PLCB1: variants seen among roughly 807,000 people sequenced by gnomAD.
PLCB1 encodes the protein 1-phosphatidylinositol 4,5-bisphosphate phosphodiesterase beta-1.
Under a neutral mutation model 161.8 loss-of-function variants are expected in PLCB1, and 46 were observed. The ratio of observed to expected loss-of-function variants is 0.28; its 90% CI spans 0.22 to 0.36. The LOEUF is 0.36. Among genes scored for constraint, PLCB1 ranks in the 10% least tolerant of loss-of-function variants. The probability of loss-of-function intolerance (pLI) is 1.00; values close to 1 mark genes in which losing one functional copy is unlikely to be tolerated. For synonymous variants in PLCB1, 517 were observed against 503.7 expected, an observed-to-expected ratio of 1.03 and a Z score of -0.35; for missense variants, 1,016 against 1,472.5, an observed-to-expected ratio of 0.69 and a Z score of 5.07.
intron 2 of PLCB1, among the ~76,000 whole-genome samples, chr20:8,311,238 A>C (rs1021402887): frequency 3.9e-5 from 6 of 152,218 alleles, no homozygotes; most frequent in Admixed American, 3.9e-4. Flanking sequence ...AATGTTCTTC[A>C]TTGTAAAATC....
At chr20:8,801,930 G>A (rs1270371287) in intron 31 of PLCB1, 6 of 694,280 alleles carry the variant, frequency 8.6e-6, no homozygotes, top group Admixed American at 4.7e-5. Context: ...GGCAAACAGA[G>A]GAGTTAAAAC....
intron 1 of PLCB1, among the ~76,000 whole-genome samples, chr20:8,136,981 T>C (rs1164246678): frequency 1.3e-5 from 2 of 152,228 alleles, no homozygotes; most frequent in African/African-American, 4.8e-5. Context: ...GCACGTTCTG[T>C]CTTACAAGCA....
At chr20:8,499,044 C>T (rs759470540) in intron 3 of PLCB1, among the ~76,000 whole-genome samples, 55 of 152,194 alleles carry the variant, frequency 3.6e-4, no homozygotes, top group Non-Finnish European at 6.3e-4. Context: ...GTTGAAAACC[C>T]AAGAAAAAAT....
chr20:8,551,198 T>C (rs551269743), intron 3 of PLCB1, among the ~76,000 whole-genome samples: 9 of 152,202 alleles, frequency 5.9e-5, no homozygotes, highest in Admixed American at 1.3e-4. Context: ...AGGTTAGCTA[T>C]AACCAAAAAT....
At position 8,716,101 on chromosome 20, in the gene PLCB1, A is replaced by G. The variant is rs760992326; in HGVS notation, c.1251-163A>G. 18 of 622,006 alleles carry G rather than the reference A, an allele frequency of 2.9e-5. No individual in the cohort carries two copies. Among genetic ancestry groups the G allele is most frequent in the African/African-American group, 2.0e-4 (11 of 54,406 alleles). 38.5% of individuals were successfully genotyped at this position (622,006 alleles called of 1,614,324 possible). On this transcript the variant is annotated intron_variant, in intron 12 of 31. Coordinates refer to ENST00000338037, the MANE Select transcript of PLCB1 (RefSeq NM_015192.4). ...GCTGTCCATCTGTGTATGTTATTCAAATTCACATAAGTTAAGATAAAGATC... is the reference window on the plus strand; with the variant it reads ...GCTGTCCATCTGTGTATGTTATTCAGATTCACATAAGTTAAGATAAAGATC...
chr20:8,315,995 G>C (rs748511371), intron 2 of PLCB1, among the ~76,000 whole-genome samples: 2 of 152,116 alleles, frequency 1.3e-5, no homozygotes, highest in Non-Finnish European at 2.9e-5. Flanking sequence ...GGGGTTGAAC[G>C]CTATTCAGCA....
At chr20:8,283,242 G>GTAAA (rs1278314927) in intron 2 of PLCB1, among the ~76,000 whole-genome samples, 1 of 152,174 alleles carries the variant, frequency 6.6e-6, no homozygotes, top group Non-Finnish European at 1.5e-5. Context: ...CTATGCCCAT[G>GTAAA]TAAAATTGGT....
intron 31 of PLCB1, among the ~76,000 whole-genome samples, chr20:8,800,372 G>A (rs1009646255): frequency 6.6e-5 from 10 of 152,064 alleles, no homozygotes; most frequent in Admixed American, 3.9e-4. Flanking sequence ...CATTAGTTGA[G>A]GTTAATCTTT....
chr20:8,274,488 T>A (rs1382998192), intron 2 of PLCB1, among the ~76,000 whole-genome samples: 2 of 152,068 alleles, frequency 1.3e-5, no homozygotes, highest in Non-Finnish European at 2.9e-5. Flanking sequence ...GTCGTTTTTT[T>A]TTTACACTGT....
At chr20:8,741,731 G>C (rs533066108) in intron 23 of PLCB1, among the ~76,000 whole-genome samples, 158 bp downstream of exon 23, 161 of 152,206 alleles carry the variant, frequency 1.1e-3, no homozygotes, top group Non-Finnish European at 1.8e-3. Flanking sequence ...ACATCTAGAT[G>C]ATTGACTTAA....
At chr20:8,533,657 GTCT>G (rs1568496726) in intron 3 of PLCB1, among the ~76,000 whole-genome samples, 1 of 150,204 alleles carries the variant, frequency 6.7e-6, no homozygotes, top group Non-Finnish European at 1.5e-5. Context: ...CTGCATAAAT[GTCT>G]TCTTTTGAGA....
At chr20:8,823,619 C>T (rs1240441165) in intron 31 of PLCB1, among the ~76,000 whole-genome samples, 3 of 152,150 alleles carry the variant, frequency 2.0e-5, no homozygotes, top group African/African-American at 7.2e-5. Flanking sequence ...ATTTGACATA[C>T]CTGTGGCCAT....
At chr20:8,582,737 C>G (rs934058764) in intron 3 of PLCB1, among the ~76,000 whole-genome samples, 1 of 152,130 alleles carries the variant, frequency 6.6e-6, no homozygotes, top group Non-Finnish European at 1.5e-5. Flanking sequence ...CCTGTAATCC[C>G]AGAACTTTGG....
intron 31 of PLCB1, among the ~76,000 whole-genome samples, chr20:8,855,410 C>T (rs1186609847): frequency 6.6e-6 from 1 of 152,174 alleles, no homozygotes; most frequent in Non-Finnish European, 1.5e-5. Flanking sequence ...ACCAAGTTCA[C>T]CCAGCTGCAG....
intron 31 of PLCB1, chr20:8,792,577 T>G (rs1983813643): frequency 2.1e-6 from 1 of 471,188 alleles, no homozygotes; most frequent in Non-Finnish European, 4.4e-6. Flanking sequence ...GCGTTTTTTA[T>G]TGTAAATAGG....
In PLCB1 at chr20:8,150,321, T is replaced by A; in HGVS notation, c.127T>A (p.Leu43Met). The change falls in exon 2 of 32, where the codon TTG becomes ATG. Residue 43 changes from leucine (L) to methionine (M), a missense_variant. Physicochemically the swap from Leu to Met is conservative, Grantham distance 15. Transcript: ENST00000338037. ...DDSTIVTPII[L>M]RTDPQGFFFY... ...CTCAACTATTGTTACTCCAATTATT[T>A]TGAGGACTGACCCTCAGGGATTTTT... 6.4e-7 allele frequency: 1 copy of A among 1,556,454 alleles called. No homozygotes were observed. The highest frequency in any genetic ancestry group is 8.8e-7 in the Non-Finnish European group (1 of 1,133,948).
At chr20:8,146,160 T>C (rs2051452253) in intron 1 of PLCB1, among the ~76,000 whole-genome samples, 1 of 151,806 alleles carries the variant, frequency 6.6e-6, no homozygotes, top group African/African-American at 2.4e-5. Flanking sequence ...TAAACAGATA[T>C]TCAGCCTATC....
At chr20:8,307,933 A>C (rs964826391) in intron 2 of PLCB1, among the ~76,000 whole-genome samples, 3 of 151,886 alleles carry the variant, frequency 2.0e-5, no homozygotes, top group African/African-American at 7.2e-5. Flanking sequence ...AAAACAAACA[A>C]ACAAACAAAC....
chr20:8,741,426 C>T (rs746788186), intron 22 of PLCB1, 38 bp from the exon 23 acceptor site: 1 of 1,396,160 alleles, frequency 7.2e-7, no homozygotes, highest in Non-Finnish European at 1.0e-6. Flanking sequence ...ATCAATACTT[C>T]CAGGACCTTT....
Sources: gnomAD v4.1 joint callset for allele counts (sites outside exome capture counted in the v4.1 genomes callset) on GRCh38, gnomAD v4.1.1 for gene constraint, MANE v1.5 for transcripts, NCBI Gene and HGNC (gene_info 2026-07-23, HGNC 2026-07-21) for gene names.